The following CACNA1C variants were observed in gnomAD, a reference collection of about 807,000 sequenced individuals.
CACNA1C encodes the protein calcium voltage-gated channel subunit alpha1 C.
A neutral mutation model predicts 229.0 loss-of-function variants in CACNA1C; 30 were observed. That is an observed-to-expected ratio of 0.13 (90% CI 0.10 to 0.18). The LOEUF is 0.18. Ranked by LOEUF, CACNA1C falls within the 10% of genes least tolerant of loss-of-function variation. The pLI is 1.00. For missense variants in CACNA1C, 1,658 were observed against 2,845.0 expected, an observed-to-expected ratio of 0.58 and a Z score of 9.49; for synonymous variants, 1,114 against 1,132.5, an observed-to-expected ratio of 0.98 and a Z score of 0.33.
At chr12:1,973,914 T>G (rs2033401177) in intron 1 of CACNA1C, among the ~76,000 whole-genome samples, 1 of 152,216 alleles carries the variant, frequency 6.6e-6, no homozygotes, top group Non-Finnish European at 1.5e-5. Flanking sequence ...TCCTTCTCTC[T>G]ACTCGTCCTT....
intron 34 of CACNA1C, among the ~76,000 whole-genome samples, chr12:2,655,583 A>G (rs756391448): frequency 1.3e-5 from 2 of 152,104 alleles, no homozygotes; most frequent in African/African-American, 2.4e-5. Context: ...ACTTCTCTGA[A>G]CCTCAGTTTT....
Position 2,449,037 on chromosome 12 carries a change from C to T in CACNA1C, c.539C>T (p.Ala180Val). 2.5e-6 allele frequency: 4 copies of T among 1,600,440 alleles called. No homozygotes were observed. Among genetic ancestry groups the T allele is most frequent in the Non-Finnish European group, 3.4e-6 (4 of 1,170,904 alleles). Reference protein sequence around the residue: ...FTVEAFLKVIAYGLLFHPNAY... With the variant: ...FTVEAFLKVIVYGLLFHPNAY... ...GTGGAAGCGTTTTTAAAAGTAATCG[C>T]CTATGGACTCCTCTTTCACCCCAAT... Residue 180 changes from alanine to valine, a missense_variant, in exon 4 of 47, where the codon GCC (alanine) becomes GTC (valine). Physicochemically the swap from Ala to Val is moderately conservative, Grantham distance 64. Transcript: ENST00000399655.
At chr12:2,127,577 T>G (rs2090601378) in intron 3 of CACNA1C, among the ~76,000 whole-genome samples, 1 of 152,194 alleles carries the variant, frequency 6.6e-6, no homozygotes, top group South Asian at 2.1e-4. Flanking sequence ...ACAAACACCC[T>G]GTCCTGTGCT....
At chr12:2,048,292 T>A (rs1200774364), upstream of CACNA1C, 4 of 152,242 alleles carry the variant, frequency 2.6e-5, no homozygotes, top group Admixed American at 2.0e-4. Flanking sequence ...AAGGAACGGT[T>A]GTGCGTGGCC....
intron 3 of CACNA1C, among the ~76,000 whole-genome samples, chr12:2,135,490 G>C (rs11611894): frequency 1.5e-5 from 2 of 129,612 alleles, no homozygotes; most frequent in Non-Finnish European, 3.2e-5. Flanking sequence ...TTTTTGGTGT[G>C]GATGTCCTTT....
intron 1 of CACNA1C, among the ~76,000 whole-genome samples, chr12:2,009,515 G>A (rs1376559954): frequency 5.9e-5 from 9 of 152,162 alleles, no homozygotes; most frequent in African/African-American, 2.2e-4. Flanking sequence ...TCTAAGTCTG[G>A]CATTTGTCCT....
intron 9 of CACNA1C, among the ~76,000 whole-genome samples, chr12:2,522,465 C>T (rs1156553309): frequency 6.6e-6 from 1 of 152,160 alleles, no homozygotes; most frequent in African/African-American, 2.4e-5. Flanking sequence ...ATGGTAGCCC[C>T]CAGAGAGTGT....
At chr12:2,555,242 A>G (rs1312278124) in intron 10 of CACNA1C, among the ~76,000 whole-genome samples, 1 of 152,204 alleles carries the variant, frequency 6.6e-6, no homozygotes, top group Non-Finnish European at 1.5e-5. Context: ...AGCTTTTCAG[A>G]GCCCACTTGC....
chr12:2,018,908 A>G (rs925548881), intron 1 of CACNA1C, among the ~76,000 whole-genome samples: 4 of 152,194 alleles, frequency 2.6e-5, no homozygotes, highest in Admixed American at 6.5e-5. Context: ...AAATAAACTG[A>G]ACCAGCTAAA....
chr12:2,617,125 G>C (rs1410164829), intron 29 of CACNA1C, among the ~76,000 whole-genome samples: 2 of 152,238 alleles, frequency 1.3e-5, no homozygotes, highest in Non-Finnish European at 2.9e-5. Context: ...GAGGCAGAAA[G>C]AGGAGCGGTT....
Position 2,643,139 on chromosome 12 carries a change from G to A in CACNA1C, c.3913-5336G>A, listed in dbSNP as rs922831621. Among the ~76,000 whole-genome samples, 7 of 152,352 alleles carry A rather than the reference G, an allele frequency of 4.6e-5. No individual in the cohort carries two copies. The South Asian group carries it at 6.2e-4, about 14-fold the overall frequency. On this transcript the variant is annotated intron_variant, in intron 30 of 46. Transcript: ENST00000399655. The stretch of plus-strand genomic sequence containing the variant: ...ACCCCTCGAGGGGAGTTCTGAAGGG[G>A]CATTTCAACTCAGTGTCTGTAACTC...
intron 3 of CACNA1C, among the ~76,000 whole-genome samples, chr12:2,359,522 A>G (rs1442237109): frequency 2.0e-5 from 3 of 151,006 alleles, no homozygotes; most frequent in Admixed American, 6.6e-5. Flanking sequence ...TAGCCTTCGA[A>G]TCCTTTTGGA....
intron 3 of CACNA1C, among the ~76,000 whole-genome samples, chr12:2,331,710 G>C (rs1353508044): frequency 6.6e-6 from 1 of 152,232 alleles, no homozygotes; most frequent in Non-Finnish European, 1.5e-5. Context: ...TCCCAAGATG[G>C]ACCCAACATC....
intron 3 of CACNA1C, among the ~76,000 whole-genome samples, chr12:2,142,606 C>T (rs1307576570): frequency 1.3e-5 from 2 of 151,346 alleles, no homozygotes; most frequent in Non-Finnish European, 3.0e-5. Context: ...CATCTTAGGA[C>T]ATGCAGCTGT....
intron 9 of CACNA1C, among the ~76,000 whole-genome samples, chr12:2,528,544 C>G (rs1276941235): frequency 1.3e-5 from 2 of 152,244 alleles, no homozygotes; most frequent in African/African-American, 2.4e-5. Context: ...CCAGCCCCAC[C>G]ATCTGCCTTC....
At chr12:2,483,746 G>A (rs1481232807) in intron 5 of CACNA1C, among the ~76,000 whole-genome samples, 1 of 152,068 alleles carries the variant, frequency 6.6e-6, no homozygotes, top group Admixed American at 6.6e-5. Flanking sequence ...GAGGAACAGG[G>A]CATTTGGCAG....
At position 2,029,061 on chromosome 12, in the gene CACNA1C, G is replaced by C. The variant is rs1416781222; in HGVS notation, c.139+57860G>C. On this transcript the variant is annotated intron_variant, in intron 1 of 46. Coordinates refer to the CACNA1C transcript ENST00000682462. This position sits in a 1 kb window ranked among gnomAD's most constrained non-coding sequence, Gnocchi z 4.9. The stretch of plus-strand genomic sequence containing the variant: ...GAGTAATAGGATCATAGACCATTTG[G>C]ACTGGAGGCATGTCTTATGTTACAA... Among the ~76,000 whole-genome samples, 1 of 152,090 alleles carries C rather than the reference G, an allele frequency of 6.6e-6. No individual in the cohort carries two copies. The highest frequency in any genetic ancestry group is 1.5e-5 in the Non-Finnish European group (1 of 68,026).
At chr12:2,305,379 C>T (rs912645012) in intron 3 of CACNA1C, among the ~76,000 whole-genome samples, 1 of 152,210 alleles carries the variant, frequency 6.6e-6, no homozygotes, top group African/African-American at 2.4e-5. Context: ...AGCCCAGGTC[C>T]CCTGGCTCCC....
chr12:2,208,493 C>T (rs560447708), intron 3 of CACNA1C, among the ~76,000 whole-genome samples: 277 of 152,206 alleles, frequency 1.8e-3, no homozygotes, highest in African/African-American at 6.4e-3. Context: ...TGGATGCCGC[C>T]GGCTGAGGGA....
Sources: allele counts gnomAD v4.1 joint callset (sites outside exome capture counted in the v4.1 genomes callset), GRCh38; gene constraint gnomAD v4.1.1; non-coding constraint Gnocchi (gnomAD v3.1); transcripts MANE v1.5; gene names NCBI Gene and HGNC (gene_info 2026-07-23, HGNC 2026-07-21).